Variants in SMOC2 observed in about 807,000 individuals in gnomAD.
The protein encoded by SMOC2 is SPARC related modular calcium binding 2.
SMOC2 carries 39 observed loss-of-function variants against 61.4 expected under a neutral mutation model. That is an observed-to-expected ratio of 0.64 (90% CI 0.49 to 0.83). The LOEUF is 0.83. Ranked by LOEUF, SMOC2 falls within the 40% of genes least tolerant of loss-of-function variation. The pLI, the probability that SMOC2 is intolerant of heterozygous loss-of-function variation, is 0.00. For synonymous variants in SMOC2, 247 were observed against 239.9 expected (o/e 1.03, Z -0.27); for missense variants, 556 against 592.9 (o/e 0.94, Z 0.65).
intron 7 of SMOC2, among the ~76,000 whole-genome samples, chr6:168,581,153 C>A (rs958278967): frequency 6.6e-6 from 1 of 152,068 alleles, no homozygotes; most frequent in African/African-American, 2.4e-5. Context: ...ACCTGGTCTG[C>A]CCTGTCTAGA....
intron 9 of SMOC2, among the ~76,000 whole-genome samples, chr6:168,626,015 C>A (rs557075486): frequency 6.6e-6 from 1 of 152,196 alleles, no homozygotes; most frequent in African/African-American, 2.4e-5. Flanking sequence ...ATGGTTAAGA[C>A]GAGAGCTGCC....
intron 9 of SMOC2, among the ~76,000 whole-genome samples, chr6:168,648,423 GT>G (rs1787103090): frequency 6.6e-6 from 1 of 152,208 alleles, no homozygotes; most frequent in Non-Finnish European, 1.5e-5. Context: ...CCTCCAAGTT[GT>G]TTTTCTCATT....
chr6:168,559,195 C>A (rs552680579), intron 7 of SMOC2, among the ~76,000 whole-genome samples: 2 of 152,244 alleles, frequency 1.3e-5, no homozygotes, highest in African/African-American at 4.8e-5. Context: ...GTGTCTCGTG[C>A]CTGTAATCCC....
At chr6:168,505,961 A>G (rs541208106) in intron 1 of SMOC2, among the ~76,000 whole-genome samples, 2 of 151,916 alleles carry the variant, frequency 1.3e-5, no homozygotes, top group South Asian at 4.2e-4. Flanking sequence ...AAACACGTGG[A>G]TGCCATCTAT....
intron 7 of SMOC2, among the ~76,000 whole-genome samples, chr6:168,596,121 G>A (rs1785328587): frequency 1.2e-5 from 1 of 81,868 alleles, no homozygotes; most frequent in African/African-American, 4.4e-5. Context: ...CGGCAGTGAT[G>A]AGTTTCCTGG....
At chr6:168,483,925 G>C (rs1782270295) in intron 1 of SMOC2, among the ~76,000 whole-genome samples, 1 of 152,074 alleles carries the variant, frequency 6.6e-6, no homozygotes, top group African/African-American at 2.4e-5. Context: ...CCTAACATCA[G>C]ATACAATAAT....
At chr6:168,587,913 A>C (rs934865486) in intron 7 of SMOC2, among the ~76,000 whole-genome samples, 1 of 151,624 alleles carries the variant, frequency 6.6e-6, no homozygotes, top group African/African-American at 2.4e-5. Context: ...CCGTAACAAA[A>C]TCCCTTCCAC....
At chr6:168,499,898 A>T (rs578156564) in intron 1 of SMOC2, among the ~76,000 whole-genome samples, 20 of 152,336 alleles carry the variant, frequency 1.3e-4, no homozygotes, top group Non-Finnish European at 1.6e-4. Flanking sequence ...GACTAATGAT[A>T]GCATTTAATG....
intron 4 of SMOC2, among the ~76,000 whole-genome samples, chr6:168,540,407 A>G (rs887300791): frequency 1.3e-5 from 2 of 152,196 alleles, no homozygotes; most frequent in African/African-American, 4.8e-5. Context: ...CGCACACAGC[A>G]CATCTTTGGT....
chr6:168,545,702 T>G (rs1433227197), intron 5 of SMOC2, among the ~76,000 whole-genome samples: 4 of 152,232 alleles, frequency 2.6e-5, no homozygotes, highest in Non-Finnish European at 5.9e-5. Flanking sequence ...TGCCTGCCAT[T>G]CAGGCTGAGC....
chr6:168,486,615 CA>C (rs1320119106), intron 1 of SMOC2, among the ~76,000 whole-genome samples: 1 of 150,798 alleles, frequency 6.6e-6, no homozygotes, highest in Non-Finnish European at 1.5e-5. Flanking sequence ...CTCCCTTCCC[CA>C]AGCCAGCACT....
intron 1 of SMOC2, 122 bp downstream of exon 1, chr6:168,441,576 G>T (rs1046142114): frequency 7.7e-7 from 1 of 1,299,948 alleles, no homozygotes; most frequent in African/African-American, 1.6e-5. Context: ...GGTGGCCCCG[G>T]GGGCCGTGGA....
At chr6:168,448,241 A>G (rs1781374374) in intron 1 of SMOC2, among the ~76,000 whole-genome samples, 1 of 150,834 alleles carries the variant, frequency 6.6e-6, no homozygotes, top group Admixed American at 6.6e-5. Context: ...GCTGGACTTG[A>G]GCAGCCCTCC....
At chr6:168,531,508 G>C (rs912469157) in intron 4 of SMOC2, among the ~76,000 whole-genome samples, 5 of 152,312 alleles carry the variant, frequency 3.3e-5, no homozygotes, top group Admixed American at 1.3e-4. Flanking sequence ...GGAGAAGATA[G>C]GAAAAGACAC....
intron 9 of SMOC2, among the ~76,000 whole-genome samples, chr6:168,613,245 G>A (rs991659060): frequency 6.6e-6 from 1 of 152,170 alleles, no homozygotes; most frequent in Admixed American, 6.5e-5. Flanking sequence ...AAGGTGCAGG[G>A]GAAGTCTGAC....
At chr6:168,464,217 GGAAGGAAGGAAGAAAAGGA>G (rs1562541643) in intron 1 of SMOC2, among the ~76,000 whole-genome samples, 4 of 148,874 alleles carry the variant, frequency 2.7e-5, no homozygotes, top group African/African-American at 9.9e-5. Context: ...AAGGAAGAAA[GGAAGGAAGGAAGAAAAGGA>G]AGGAAGGAAG....
At chr6:168,649,455 C>G (rs1417524363) in intron 9 of SMOC2, among the ~76,000 whole-genome samples, 1 of 152,168 alleles carries the variant, frequency 6.6e-6, no homozygotes, top group Non-Finnish European at 1.5e-5. Context: ...CAGCGTGGCT[C>G]AGTGGGGACG....
At chr6:168,587,365 A>G (rs549480102) in intron 7 of SMOC2, among the ~76,000 whole-genome samples, 3 of 152,192 alleles carry the variant, frequency 2.0e-5, no homozygotes, top group African/African-American at 2.4e-5. Flanking sequence ...GTATGGATGT[A>G]CCCATGACAT....
intron 1 of SMOC2, among the ~76,000 whole-genome samples, chr6:168,472,728 T>C (rs894928638): frequency 6.6e-6 from 1 of 152,150 alleles, no homozygotes; most frequent in Non-Finnish European, 1.5e-5. Context: ...TTTTTTCCCC[T>C]CCAAGGCATA....
Sources: allele counts gnomAD v4.1 joint callset (sites outside exome capture counted in the v4.1 genomes callset), GRCh38; gene constraint gnomAD v4.1.1; transcripts MANE v1.5; gene names NCBI Gene and HGNC (gene_info 2026-07-23, HGNC 2026-07-21).